CLIC4: variants seen among roughly 807,000 people sequenced by gnomAD.
CLIC4 encodes the protein chloride intracellular channel protein 4.
A neutral mutation model predicts 24.6 loss-of-function variants in CLIC4; 13 were observed. The observed-to-expected ratio is 0.53, with a 90% CI of 0.34 to 0.84. The LOEUF (loss-of-function observed/expected upper bound fraction) is 0.84. CLIC4 is among the 40% of genes least tolerant of loss of function. CLIC4 has a pLI of 0.01. For missense variants in CLIC4, 227 were observed against 301.7 expected (o/e 0.75, Z 1.83); for synonymous variants, 104 against 111.3 (o/e 0.93, Z 0.41).
At chr1:24,797,935 T>G in intron 2 of CLIC4, 84 bp downstream of exon 2, 1 of 886,508 alleles carries the variant, frequency 1.1e-6, no homozygotes, top group East Asian at 2.5e-5. Context: ...TGGCACATAT[T>G]CTCTAAAGGA....
At chr1:24,756,787 C>G (rs1638856959) in intron 1 of CLIC4, among the ~76,000 whole-genome samples, 1 of 151,998 alleles carries the variant, frequency 6.6e-6, no homozygotes, top group African/African-American at 2.4e-5. Flanking sequence ...GTGGCGTGAT[C>G]TTGGCTCACT....
In CLIC4 at chr1:24,745,637, C is replaced by G. The variant is rs1638678760; in HGVS notation, c.72+12C>G. The G allele has an allele frequency of 1.3e-6, 2 of 1,540,590 alleles. No homozygotes were observed. Among genetic ancestry groups the G allele is most frequent in the African/African-American group, 2.8e-5 (2 of 70,780 alleles). ...AGCTCTTCGTCAAGGTGAGCGCTCG[C>G]CTCGCGGTCCCGCCCGGCAGATCCC... On this transcript the variant is annotated intron_variant, in intron 1 of 5. Transcript: ENST00000374379.
chr1:24,801,073 TAAA>T (rs61672978), intron 2 of CLIC4, among the ~76,000 whole-genome samples: 2,445 of 148,480 alleles, frequency 0.016, 68 homozygotes, highest in African/African-American at 0.056. Context: ...AAAAATAAAT[TAAA>T]AAAAAAAAAA....
chr1:24,818,413 A>G (rs550584458), intron 3 of CLIC4, among the ~76,000 whole-genome samples: 4 of 152,142 alleles, frequency 2.6e-5, no homozygotes, highest in African/African-American at 7.2e-5. Flanking sequence ...CAGCCTCCCA[A>G]GTAGCTGGGA....
intron 4 of CLIC4, among the ~76,000 whole-genome samples, chr1:24,835,839 A>C (rs1311067380): frequency 6.6e-6 from 1 of 152,212 alleles, no homozygotes; most frequent in Non-Finnish European, 1.5e-5. Flanking sequence ...TGGACAAATA[A>C]GAAGTATATA....
intron 1 of CLIC4, among the ~76,000 whole-genome samples, chr1:24,756,475 T>C (rs1038351982): frequency 3.9e-5 from 6 of 152,370 alleles, no homozygotes; most frequent in Admixed American, 3.3e-4. Context: ...ACAGGTTTTC[T>C]TTCTCTTTTT....
chr1:24,843,951 C>G lies in CLIC4; in HGVS notation c.*3014C>G, dbSNP rs912951502. 1 of 152,542 alleles carries G rather than the reference C, an allele frequency of 6.6e-6. No homozygotes were observed. Among genetic ancestry groups the G allele is most frequent in the African/African-American group, 2.4e-5 (1 of 41,424 alleles). 9.4% of individuals were successfully genotyped at this position (152,542 alleles called of 1,614,324 possible). The stretch of plus-strand genomic sequence containing the variant: ...TCATCATTTAATGATTCACCAATTT[C>G]TTGCATTAATTTGAATTTAAGCATT... On this transcript the variant is annotated 3_prime_UTR_variant, in exon 6 of 6. Coordinates refer to ENST00000374379, the MANE Select transcript of CLIC4 (RefSeq NM_013943.3).
intron 2 of CLIC4, among the ~76,000 whole-genome samples, chr1:24,813,295 G>C (rs1639633659): frequency 6.6e-6 from 1 of 152,060 alleles, no homozygotes; most frequent in East Asian, 1.9e-4. Context: ...TCCTGCCTTG[G>C]CCTCCCAAAG....
rs151201406 is a variant in CLIC4 at position 24,750,276 on chromosome 1, A to G, written c.72+4651A>G. Among the ~76,000 whole-genome samples, 243 of 152,120 alleles carry G rather than the reference A, an allele frequency of 1.6e-3. 1 individual carries two copies. The highest frequency in any genetic ancestry group is 5.5e-3 in the African/African-American group (227 of 41,528). ...AAAACAACAAAGGCTTATAATGGCA[A>G]TCATCCTCAACAGTGGAGATGCTCT... On this transcript the variant is annotated intron_variant, in intron 1 of 5. Coordinates refer to ENST00000374379, the MANE Select transcript of CLIC4 (RefSeq NM_013943.3).
At chr1:24,763,780 A>G (rs1387133484) in intron 1 of CLIC4, among the ~76,000 whole-genome samples, 1 of 152,074 alleles carries the variant, frequency 6.6e-6, no homozygotes, top group East Asian at 1.9e-4. Context: ...CTCCATTTAA[A>G]TGTGTCTGCC....
intron 1 of CLIC4, among the ~76,000 whole-genome samples, chr1:24,752,541 C>T (rs1189975535): frequency 1.3e-5 from 2 of 152,118 alleles, no homozygotes; most frequent in Non-Finnish European, 2.9e-5. Flanking sequence ...ATCTTAAGGG[C>T]CCCAGCTCAG....
At chr1:24,824,517 C>G (rs1022919751) in intron 3 of CLIC4, among the ~76,000 whole-genome samples, 1 of 152,166 alleles carries the variant, frequency 6.6e-6, no homozygotes, top group East Asian at 1.9e-4. Context: ...ATCCGCCCAC[C>G]TTGGCATCCC....
chr1:24,831,196 G>A (rs1386005353), intron 4 of CLIC4, among the ~76,000 whole-genome samples: 1 of 152,150 alleles, frequency 6.6e-6, no homozygotes, highest in Admixed American at 6.5e-5. Flanking sequence ...AACAGTCATT[G>A]TAATGTTATG....
At chr1:24,745,812 G>A (rs543737099) in intron 1 of CLIC4, among the ~76,000 whole-genome samples, 187 bp downstream of exon 1, 144 of 151,730 alleles carry the variant, frequency 9.5e-4, no homozygotes, top group African/African-American at 3.3e-3. Flanking sequence ...AGGGCCCGTC[G>A]AGGGGTCCGG....
intron 3 of CLIC4, among the ~76,000 whole-genome samples, chr1:24,819,766 G>C (rs1445991435): frequency 7.7e-6 from 1 of 129,840 alleles, no homozygotes; most frequent in African/African-American, 2.9e-5. Context: ...TTTTTTGACA[G>C]AGTCTCTCTG....
chr1:24,748,394 T>C (rs1214977797), intron 1 of CLIC4, among the ~76,000 whole-genome samples: 1 of 151,996 alleles, frequency 6.6e-6, no homozygotes, highest in Non-Finnish European at 1.5e-5. Context: ...CAGTTTGTTT[T>C]CACTCTTTAA....
chr1:24,808,514 G>A (rs970679581), intron 2 of CLIC4, among the ~76,000 whole-genome samples: 1 of 117,032 alleles, frequency 8.5e-6, no homozygotes, highest in East Asian at 2.4e-4. Context: ...CCCCGCCCCC[G>A]CCCTGCCGCC....
chr1:24,755,853 C>G (rs536671586), intron 1 of CLIC4, among the ~76,000 whole-genome samples: 1 of 151,966 alleles, frequency 6.6e-6, no homozygotes, highest in Admixed American at 6.5e-5. Flanking sequence ...TGGAGTTTTG[C>G]TCTTGTTGCC....
intron 2 of CLIC4, among the ~76,000 whole-genome samples, chr1:24,807,041 A>G (rs896844460): frequency 1.3e-5 from 2 of 152,052 alleles, no homozygotes; most frequent in African/African-American, 4.8e-5. Context: ...CGTGCTCTCT[A>G]GTCCCAGCTA....
Sources: gnomAD v4.1 joint callset for allele counts (sites outside exome capture counted in the v4.1 genomes callset) on GRCh38, gnomAD v4.1.1 for gene constraint, MANE v1.5 for transcripts, NCBI Gene and HGNC (gene_info 2026-07-23, HGNC 2026-07-21) for gene names.